The following ADAMTS7 variants were observed in gnomAD, a reference collection of about 807,000 sequenced individuals.
ADAMTS7 encodes ADAM metallopeptidase with thrombospondin type 1 motif 7, also known as A disintegrin and metalloproteinase with thrombospondin motifs 7.
In ADAMTS7, 89 loss-of-function variants were observed where a neutral mutation model predicts 172.6. The observed-to-expected ratio is 0.52, with a 90% CI of 0.43 to 0.61. ADAMTS7 has a LOEUF of 0.61. Ranked by LOEUF, ADAMTS7 falls within the 20% of genes least tolerant of loss-of-function variation. The pLI is 0.00. For missense variants in ADAMTS7, 1,973 were observed against 2,355.6 expected, an observed-to-expected ratio of 0.84 and a Z score of 3.36; for synonymous variants, 885 against 978.4, an observed-to-expected ratio of 0.90 and a Z score of 1.78.
At chr15:78,793,927 G>A (rs1023739349) in intron 4 of ADAMTS7, among the ~76,000 whole-genome samples, 3 of 152,160 alleles carry the variant, frequency 2.0e-5, no homozygotes, top group Admixed American at 2.0e-4. Context: ...GACCTTGAGC[G>A]AGCCCCTTGA....
chr15:78,790,999 C>T (rs1209358064), intron 5 of ADAMTS7, 141 bp downstream of exon 5: 2 of 1,233,810 alleles, frequency 1.6e-6, no homozygotes, highest in Non-Finnish European at 2.3e-6. Flanking sequence ...CAGTCAGGAA[C>T]CAGGGGGTGG....
chr15:78,764,758 C>G, intron 19 of ADAMTS7, 51 bp from the exon 20 acceptor site: 1 of 1,430,108 alleles, frequency 7.0e-7, no homozygotes, highest in Non-Finnish European at 9.1e-7. Flanking sequence ...CCCGCCAGGC[C>G]TCCACAGCCA....
chr15:78,800,270 C>T lies in ADAMTS7; in HGVS notation c.378G>A (p.Pro126=), dbSNP rs370311845. ...GCACCTCGCCAAGCAGGTGGCAGGC[C>T]GGGGTGTGGGCCCGGATGTGCGCGC... ...LGRAHIRAHT[P]ACHLLGEVQD... The change falls in exon 2 of 24, where the codon CCG becomes CCA. Residue 126 remains proline, a synonymous_variant. Coordinates refer to ENST00000388820, the MANE Select transcript of ADAMTS7 (RefSeq NM_014272.5). The T allele has an allele frequency of 2.4e-5, 39 of 1,594,628 alleles. No homozygotes were observed. The African/African-American group carries it at 4.4e-4, about 18-fold the overall frequency.
chr15:78,774,100 A>G, intron 13 of ADAMTS7, 67 bp downstream of exon 13: 1 of 1,568,468 alleles, frequency 6.4e-7, no homozygotes, highest in South Asian at 1.2e-5. Context: ...CCAGGAGAGA[A>G]CCTGGGGCCT....
At chr15:78,785,298 C>T (rs981214301) in intron 8 of ADAMTS7, among the ~76,000 whole-genome samples, 1 of 152,056 alleles carries the variant, frequency 6.6e-6, no homozygotes, top group African/African-American at 2.4e-5. Flanking sequence ...CATCTGTAAT[C>T]CCAGCACTTT....
chr15:78,763,997 C>A lies in ADAMTS7; in HGVS notation c.4522G>T (p.Ala1508Ser). Residue 1508 changes from alanine (A) to serine (S), a missense_variant, in exon 21 of 24, where the codon GCC (alanine) becomes TCC (serine). By Grantham distance (99) the Ala-to-Ser change is moderately conservative (BLOSUM62 1). Transcript: ENST00000388820. ...CAGGGCCGGTGCGCAGGCGGCTTGGCAGGCCCGGGCTGACAATGGAAGGGC... is the reference window on the plus strand; with the variant it reads ...CAGGGCCGGTGCGCAGGCGGCTTGGAAGGCCCGGGCTGACAATGGAAGGGC... Reference protein sequence around the residue: ...LRPFHCQPGPAKPPAHRPCGA... With the variant: ...LRPFHCQPGPSKPPAHRPCGA... 6.5e-7 allele frequency: 1 copy of A among 1,542,888 alleles called. No individual in the cohort carries two copies.
Position 78,759,476 on chromosome 15 carries a change from G to C in ADAMTS7, c.5006C>G (p.Ser1669Cys), listed in dbSNP as rs1441304166. The change falls in exon 24 of 24, where the codon TCT becomes TGT. Residue 1669 changes from serine to cysteine, a missense_variant. Around this residue, in one of 8 missense-constraint regions of ADAMTS7, gnomAD observed 94 missense variants for 95.4 expected, o/e 0.99. Coordinates refer to ENST00000388820, the MANE Select transcript of ADAMTS7 (RefSeq NM_014272.5). ...TIRTQCCRSCSPPSHGAPSRG... is the reference protein window; with the variant it reads ...TIRTQCCRSCCPPSHGAPSRG... ...GGAGGGGGCGCCGTGGCTGGGCGGA[G>C]AGCACGAGCGGCAGCACTGGGTGCG... The C allele has an allele frequency of 6.3e-7, 1 of 1,597,102 alleles. No individual in the cohort carries two copies. Among genetic ancestry groups the C allele is most frequent in the African/African-American group, 1.3e-5 (1 of 74,892 alleles).
At position 78,790,907 on chromosome 15, in the gene ADAMTS7, C is replaced by T; in HGVS notation, c.904-113G>A. 4 of 1,499,020 alleles carry T rather than the reference C, an allele frequency of 2.7e-6. No homozygotes were observed. In the South Asian group the frequency reaches 4.9e-5, roughly 19 times the overall value. 92.9% of individuals were successfully genotyped at this position (1,499,020 alleles called of 1,614,324 possible). A position where few individuals can be genotyped will look rare whatever the true frequency, so the allele number is the denominator to read the frequency against. On this transcript the variant is annotated intron_variant, in intron 5 of 23. Coordinates refer to ENST00000388820, the MANE Select transcript of ADAMTS7 (RefSeq NM_014272.5). ...GAGGCCCAGCAGGGAAGTGGGAGGC[C>T]CGCAGGCACCAGTCGAGCTTCCAGC... is the stretch of plus-strand genomic sequence containing the variant.
chr15:78,778,482 G>T (rs373117965), intron 8 of ADAMTS7, among the ~76,000 whole-genome samples: 3 of 152,240 alleles, frequency 2.0e-5, no homozygotes, highest in Admixed American at 6.5e-5. Context: ...AGCAGCAGGA[G>T]TGCCCTGGCA....
At position 78,771,216 on chromosome 15, in the gene ADAMTS7, C is replaced by G. The variant is rs752014823; in HGVS notation, c.2464G>C (p.Val822Leu). The G allele has an allele frequency of 6.2e-7, 1 of 1,611,774 alleles. No homozygotes were observed. Among genetic ancestry groups the G allele is most frequent in the South Asian group, 1.1e-5 (1 of 90,834 alleles). ...CAGGGCCCATAATGCCAGGAGAACA[C>G]GGGCGGCGGGACCTCGTCGTGGCCA... Reference protein sequence around the residue: ...AGGHDEVPPPVFSWHYGPWTK... With the variant: ...AGGHDEVPPPLFSWHYGPWTK... The change falls in exon 16 of 24, where the codon GTG (valine) becomes CTG (leucine). Residue 822 changes from valine (V) to leucine (L), a missense_variant. Val to Leu is a conservative substitution (Grantham distance 32). Around this residue, in one of 8 missense-constraint regions of ADAMTS7, gnomAD observed 771 missense variants for 952.6 expected, o/e 0.81. Transcript: ENST00000388820. This position sits in a 1 kb window ranked among gnomAD's most constrained non-coding sequence, Gnocchi z 4.9.
intron 13 of ADAMTS7, 126 bp downstream of exon 13, chr15:78,774,041 C>T: frequency 6.9e-7 from 1 of 1,457,770 alleles, no homozygotes; most frequent in Non-Finnish European, 9.2e-7. Flanking sequence ...AGGAGGGACC[C>T]AGGAGAGAAC....
At chr15:78,777,736 G>A (rs1485180465) in intron 8 of ADAMTS7, 148 bp from the exon 9 acceptor site, 9 of 1,062,368 alleles carry the variant, frequency 8.5e-6, no homozygotes, top group East Asian at 7.8e-5. Context: ...CGGCTCAGCC[G>A]ATCCTCCACC....
chr15:78,798,222 C>T (rs1476714827), intron 2 of ADAMTS7, 109 bp from the exon 3 acceptor site: 5 of 1,069,836 alleles, frequency 4.7e-6, no homozygotes, highest in Non-Finnish European at 6.5e-6. Flanking sequence ...CCCACACCAC[C>T]TGTGACTGCC....
intron 16 of ADAMTS7, 28 bp from the exon 17 acceptor site, chr15:78,768,287 C>T: frequency 6.2e-7 from 1 of 1,609,638 alleles, no homozygotes; most frequent in Non-Finnish European, 8.5e-7. Context: ...CAGCCTGGGA[C>T]TGGCACCCAG....
intron 8 of ADAMTS7, among the ~76,000 whole-genome samples, chr15:78,779,054 T>G (rs1282920793): frequency 6.6e-6 from 1 of 151,992 alleles, no homozygotes; most frequent in Non-Finnish European, 1.5e-5. Context: ...CGTGGTCTCC[T>G]AAATCCCCCG....
chr15:78,792,691 T>C (rs1478799737), intron 4 of ADAMTS7, among the ~76,000 whole-genome samples: 3 of 152,140 alleles, frequency 2.0e-5, no homozygotes, highest in Admixed American at 6.6e-5. Flanking sequence ...TGCATGCCTG[T>C]AATCCCAGCC....
At chr15:78,778,812 C>A (rs2055389946) in intron 8 of ADAMTS7, among the ~76,000 whole-genome samples, 1 of 152,042 alleles carries the variant, frequency 6.6e-6, no homozygotes, top group Admixed American at 6.5e-5. Context: ...GGGGGTTGCA[C>A]AGGGAAGAAG....
intron 1 of ADAMTS7, among the ~76,000 whole-genome samples, chr15:78,809,465 T>G (rs931840160): frequency 6.6e-6 from 1 of 151,978 alleles, no homozygotes; most frequent in Non-Finnish European, 1.5e-5. Context: ...TTGGAGAGAG[T>G]GCCTGGCCTG....
In ADAMTS7 at chr15:78,771,268, G is replaced by T; in HGVS notation, c.2412C>A (p.Tyr804Ter). ...CTGCCTCCCTGTGGATGGTGTACTC[G>T]TAGTGCACCCCAGGGTTGCTCTCCT... is the stretch of plus-strand genomic sequence containing the variant. ...LFQESNPGVH[Y>*]EYTIHREAGG... The change falls in exon 16 of 24, where the codon TAC (tyrosine) becomes TAA (stop). Residue 804 changes from tyrosine (Y) to a stop codon, truncating the protein, a stop_gained. Coordinates refer to ENST00000388820, the MANE Select transcript of ADAMTS7 (RefSeq NM_014272.5). LOFTEE classifies it high-confidence loss of function. This position sits in a 1 kb window ranked among gnomAD's most constrained non-coding sequence, Gnocchi z 4.9. 6.2e-7 allele frequency: 1 copy of T among 1,612,696 alleles called. No homozygotes were observed. Among genetic ancestry groups the T allele is most frequent in the Non-Finnish European group, 8.5e-7 (1 of 1,179,720 alleles).
Sources: gnomAD v4.1 joint callset for allele counts (sites outside exome capture counted in the v4.1 genomes callset) on GRCh38, gnomAD v4.1.1 for gene constraint, gnomAD v4.1.1 regional missense constraint, Gnocchi (gnomAD v3.1) non-coding constraint, MANE v1.5 for transcripts, NCBI Gene and HGNC (gene_info 2026-07-23, HGNC 2026-07-21) for gene names.